CFAP58: variants seen among roughly 807,000 people sequenced by gnomAD.
The protein encoded by CFAP58 is cilia and flagella associated protein 58, also known as cilia- and flagella-associated protein 58.
In CFAP58, 88 loss-of-function variants were observed where a neutral mutation model predicts 119.5. That is an observed-to-expected ratio of 0.74 (90% CI 0.62 to 0.88). The LOEUF (loss-of-function observed/expected upper bound fraction) is 0.88, where lower values mean the gene tolerates loss of function less well. Among genes scored for constraint, CFAP58 ranks in the 40% least tolerant of loss-of-function variants. The pLI, the probability that CFAP58 is intolerant of heterozygous loss-of-function variation, is 0.00. For synonymous variants in CFAP58, 365 were observed against 366.3 expected (o/e 1.00, Z 0.04); for missense variants, 990 against 1,021.2 (o/e 0.97, Z 0.42).
rs563821975 is a variant in CFAP58, at chr10:104,447,227, A to G, written c.2257-471A>G. On this transcript the variant is annotated intron_variant, in intron 15 of 17. Coordinates refer to ENST00000369704, the MANE Select transcript of CFAP58 (RefSeq NM_001008723.2). ...GAACCGGGGTCTCACTATGTTGCCC[A>G]TGTTCATCTTGAACTCCTGGCCTCA... is the stretch of plus-strand genomic sequence containing the variant. Among the ~76,000 whole-genome samples the G allele has an allele frequency of 1.3e-4, 19 of 151,162 alleles. No homozygotes were observed. The South Asian group carries it at 4.0e-3, about 32-fold the overall frequency.
intron 13 of CFAP58, 85 bp downstream of exon 13, chr10:104,400,988 A>G: frequency 6.6e-6 from 6 of 907,120 alleles, no homozygotes; most frequent in African/African-American, 1.7e-5. Flanking sequence ...CTTGTTGCTC[A>G]TTGAAGGTCT....
Position 104,353,871 on chromosome 10 carries a change from C to T in CFAP58, c.-27C>T. ...GCTCCTGCGATCTCCACAGCAGCCT[C>T]TGAGGCCGCCCCCAGAGAGCATCAG... On this transcript the variant is annotated 5_prime_UTR_variant, in exon 1 of 18. Transcript: ENST00000369704. 2.5e-6 allele frequency: 4 copies of T among 1,611,902 alleles called. No individual in the cohort carries two copies. Among genetic ancestry groups the T allele is most frequent in the Non-Finnish European group, 3.4e-6 (4 of 1,178,324 alleles).
At chr10:104,366,823 T>C (rs147579615) in intron 5 of CFAP58, among the ~76,000 whole-genome samples, 3 of 152,082 alleles carry the variant, frequency 2.0e-5, no homozygotes, top group Non-Finnish European at 2.9e-5. Context: ...TGGGTGAGTA[T>C]AACAATTTAT....
intron 15 of CFAP58, among the ~76,000 whole-genome samples, chr10:104,446,386 C>T (rs1314477863): frequency 6.6e-6 from 1 of 152,130 alleles, no homozygotes; most frequent in Non-Finnish European, 1.5e-5. Flanking sequence ...AAGTTGCATA[C>T]ACTCTTCTAT....
In CFAP58 at chr10:104,371,029, A is replaced by G; in HGVS notation, c.1065A>G (p.Lys355=). 1 of 1,610,668 alleles carries G rather than the reference A, an allele frequency of 6.2e-7. No homozygotes were observed. The highest frequency in any genetic ancestry group is 8.5e-7 in the Non-Finnish European group (1 of 1,179,036). Residue 355 remains lysine (K), a synonymous_variant, in exon 7 of 18, where the codon AAA becomes AAG. Transcript: ENST00000369704. ...AEVEQHKETL[K]NQIVGLEREV... ...TCGAACAGCACAAAGAAACCCTAAA[A>G]AATCAGATTGTGGGATTAGAGAGAG... is the stretch of plus-strand genomic sequence containing the variant.
intron 9 of CFAP58, among the ~76,000 whole-genome samples, chr10:104,387,955 G>A (rs1564888278): frequency 6.6e-6 from 1 of 152,130 alleles, no homozygotes; most frequent in African/African-American, 2.4e-5. Flanking sequence ...TCCAGGAAAT[G>A]AATAATAATG....
intron 15 of CFAP58, among the ~76,000 whole-genome samples, chr10:104,421,674 G>A (rs1293262342): frequency 6.6e-6 from 1 of 152,158 alleles, no homozygotes; most frequent in African/African-American, 2.4e-5. Flanking sequence ...GAACAAATCA[G>A]GTTCATGAGT....
At position 104,374,231 on chromosome 10, in the gene CFAP58, G is replaced by A. The variant is rs180678583; in HGVS notation, c.1091-2580G>A. 7.8e-4 allele frequency among the ~76,000 whole-genome samples: 119 copies of A among 151,820 alleles called. 2 individuals are homozygous for A. Among genetic ancestry groups the A allele is most frequent in the African/African-American group, 2.8e-3 (116 of 41,406 alleles). On this transcript the variant is annotated intron_variant, in intron 7 of 17. Transcript: ENST00000369704. ...TCCCAGCACTTTAGGAGGCTTTGGC[G>A]GGTGGATTGCTTGAGCCCGGGAGTC...
intron 15 of CFAP58, among the ~76,000 whole-genome samples, chr10:104,443,084 A>G (rs781225371): frequency 6.6e-6 from 1 of 152,242 alleles, no homozygotes; most frequent in African/African-American, 2.4e-5. Flanking sequence ...TGCGAGTTAT[A>G]TAGAGAGAGA....
At chr10:104,355,613 G>C (rs1485944006) in intron 1 of CFAP58, among the ~76,000 whole-genome samples, 1 of 152,076 alleles carries the variant, frequency 6.6e-6, no homozygotes, top group Admixed American at 6.6e-5. Flanking sequence ...CCAGAACTTA[G>C]GACAGGACAG....
At chr10:104,351,159 T>C (rs1403791019), upstream of CFAP58, among the ~76,000 whole-genome samples, 1 of 152,218 alleles carries the variant, frequency 6.6e-6, no homozygotes, top group Admixed American at 6.5e-5. Context: ...TTAGCTTGGC[T>C]TACAGTGTGG....
At chr10:104,386,386 A>AT (rs1564887747) in intron 9 of CFAP58, among the ~76,000 whole-genome samples, 9 of 149,886 alleles carry the variant, frequency 6.0e-5, no homozygotes, top group South Asian at 2.1e-4. Context: ...TCAAAAAAAA[A>AT]AAAATAAATA....
chr10:104,429,706 C>T (rs1000738118), intron 15 of CFAP58, among the ~76,000 whole-genome samples: 1 of 152,132 alleles, frequency 6.6e-6, no homozygotes, highest in Non-Finnish European at 1.5e-5. Context: ...ACTCAAGGTA[C>T]ACGTTTATAC....
At chr10:104,411,973 G>A (rs2012468614) in intron 15 of CFAP58, among the ~76,000 whole-genome samples, 1 of 152,044 alleles carries the variant, frequency 6.6e-6, no homozygotes, top group Non-Finnish European at 1.5e-5. Flanking sequence ...CTAAAATCCA[G>A]GCCCTTTGTT....
intron 15 of CFAP58, among the ~76,000 whole-genome samples, chr10:104,411,377 C>T (rs1158169531): frequency 6.6e-6 from 1 of 152,016 alleles, no homozygotes; most frequent in Non-Finnish European, 1.5e-5. Flanking sequence ...TTACATCCTT[C>T]CTTTATGTCC....
the CFAP58 span, among the ~76,000 whole-genome samples, chr10:104,347,943 C>A: frequency 1.3e-5 from 2 of 152,074 alleles, no homozygotes; most frequent in African/African-American, 4.8e-5. Context: ...TCCATACAGC[C>A]TGCCTTTCTC....
chr10:104,371,192 G>A (rs548077065), intron 7 of CFAP58, 138 bp downstream of exon 7: 2 of 750,404 alleles, frequency 2.7e-6, no homozygotes, highest in South Asian at 2.1e-5. Context: ...CTGGTAAACA[G>A]TCAATATGGG....
At chr10:104,341,240 T>C in the CFAP58 span, among the ~76,000 whole-genome samples, 1 of 151,912 alleles carries the variant, frequency 6.6e-6, no homozygotes, top group African/African-American at 2.4e-5. Flanking sequence ...TAAAATATTC[T>C]TTATATTATT....
chr10:104,450,129 T>C lies in CFAP58; in HGVS notation c.2435T>C (p.Val812Ala). The C allele has an allele frequency of 6.2e-7, 1 of 1,612,806 alleles. No homozygotes were observed. Among genetic ancestry groups the C allele is most frequent in the Admixed American group, 1.7e-5 (1 of 59,952 alleles). Residue 812 changes from valine to alanine, a missense_variant, in exon 17 of 18, where the codon GTA becomes GCA. Coordinates refer to ENST00000369704, the MANE Select transcript of CFAP58 (RefSeq NM_001008723.2). ...EVQSKEYKYEVEKLTNELQNL... is the reference protein window; with the variant it reads ...EVQSKEYKYEAEKLTNELQNL... ...CAGAGCAAAGAATATAAATATGAGG[T>C]AGAGAAACTTACCAATGAGCTCCAG...
Sources: gnomAD v4.1 joint callset for allele counts (sites outside exome capture counted in the v4.1 genomes callset) on GRCh38, gnomAD v4.1.1 for gene constraint, MANE v1.5 for transcripts, NCBI Gene and HGNC (gene_info 2026-07-23, HGNC 2026-07-21) for gene names.